The following CDCP1 variants were observed in gnomAD, a reference collection of about 807,000 sequenced individuals.
CDCP1 encodes the protein CUB domain-containing protein 1.
Under a neutral mutation model 60.2 loss-of-function variants are expected in CDCP1, and 29 were observed. The ratio of observed to expected loss-of-function variants is 0.48; its 90% confidence interval spans 0.36 to 0.66. The LOEUF (loss-of-function observed/expected upper bound fraction) is 0.66. Among genes scored for constraint, CDCP1 ranks in the 30% least tolerant of loss-of-function variants. The pLI, the probability that CDCP1 is intolerant of heterozygous loss-of-function variation, is 0.00. For synonymous variants in CDCP1, 387 were observed against 431.1 expected (o/e 0.90, Z 1.27); for missense variants, 876 against 1,074.3 (o/e 0.82, Z 2.58).
intron 1 of CDCP1, among the ~76,000 whole-genome samples, chr3:45,145,326 G>A (rs1276124233): frequency 2.0e-5 from 3 of 152,144 alleles, no homozygotes; most frequent in Admixed American, 1.3e-4. Context: ...CTAATCTCGC[G>A]AAACCTGTAC....
chr3:45,097,545 C>T (rs1698422079), intron 4 of CDCP1, among the ~76,000 whole-genome samples: 1 of 149,320 alleles, frequency 6.7e-6, no homozygotes, highest in Non-Finnish European at 1.5e-5. Flanking sequence ...ATTAGGAAGG[C>T]GCCTGTGCAA....
chr3:45,132,412 G>A (rs1699115659), intron 1 of CDCP1, among the ~76,000 whole-genome samples: 1 of 152,148 alleles, frequency 6.6e-6, no homozygotes. Flanking sequence ...AGACGGGGTG[G>A]GGTGGTAGTA....
intron 1 of CDCP1, among the ~76,000 whole-genome samples, chr3:45,121,896 T>C (rs1698893380): frequency 6.6e-6 from 1 of 152,196 alleles, no homozygotes; most frequent in Admixed American, 6.5e-5. Flanking sequence ...AGGCATGTAA[T>C]AAATTAATAA....
At chr3:45,140,822 A>G (rs940449071) in intron 1 of CDCP1, among the ~76,000 whole-genome samples, 1 of 152,220 alleles carries the variant, frequency 6.6e-6, no homozygotes, top group African/African-American at 2.4e-5. Flanking sequence ...AAATGTGTAT[A>G]TTTACATCTC....
intron 4 of CDCP1, among the ~76,000 whole-genome samples, chr3:45,097,316 A>T (rs1436653926): frequency 6.6e-6 from 1 of 151,106 alleles, no homozygotes; most frequent in Non-Finnish European, 1.5e-5. Flanking sequence ...CCAAAAAAAA[A>T]AGAAAGAAAG....
At chr3:45,136,389 G>A (rs4682770) in intron 1 of CDCP1, among the ~76,000 whole-genome samples, 126,754 of 152,196 alleles carry the variant, frequency 0.83, 52,994 homozygotes, top group East Asian at 0.94. Context: ...TAAGGAAGAA[G>A]GAGGAGGATG....
At chr3:45,089,244 G>A in intron 7 of CDCP1, 103 bp from the exon 8 acceptor site, 1 of 866,124 alleles carries the variant, frequency 1.2e-6, no homozygotes, top group Non-Finnish European at 1.9e-6. Flanking sequence ...TCCAAAGGTG[G>A]AGCGCCATAC....
rs1401302861 is a variant in CDCP1, at chr3:45,108,953, A to ATATATATTTTT, written c.1024+1519_1024+1520insAAAAATATATA. On this transcript the variant is annotated intron_variant, in intron 4 of 8. Transcript: ENST00000296129. ...CATGTATACATATATATATATATAT[A>ATATATATTTTT]TTTTTTTTTTTTTTGAGATGGAGTC... Among the ~76,000 whole-genome samples the ATATATATTTTT allele has an allele frequency of 7.3e-5, 3 of 41,134 alleles. 1 individual carries two copies. Among genetic ancestry groups the ATATATATTTTT allele is most frequent in the South Asian group, 1.1e-3 (1 of 950 alleles). The allele number at this position is 41,134 out of a possible 152,430, so 27.0% of individuals were successfully genotyped here. A position where few individuals can be genotyped will look rare whatever the true frequency, so the allele number is the denominator to read the frequency against.
intron 2 of CDCP1, 104 bp from the exon 3 acceptor site, chr3:45,112,549 C>A: frequency 1.3e-6 from 2 of 1,490,176 alleles, no homozygotes; most frequent in Non-Finnish European, 1.8e-6. Context: ...TTGGGGCTCC[C>A]CCAAGGTGGC....
intron 4 of CDCP1, among the ~76,000 whole-genome samples, chr3:45,107,918 A>G (rs1421206417): frequency 6.6e-6 from 1 of 152,070 alleles, no homozygotes; most frequent in African/African-American, 2.4e-5. Context: ...GGAGTTCAAG[A>G]CCAGGCTGGC....
chr3:45,096,548 C>T (rs192698323), intron 4 of CDCP1, among the ~76,000 whole-genome samples: 78 of 135,286 alleles, frequency 5.8e-4, no homozygotes, highest in African/African-American at 1.9e-3. Context: ...TCGCTTGAAC[C>T]CGGGAGGCGG....
At chr3:45,141,151 A>G (rs568471171) in intron 1 of CDCP1, among the ~76,000 whole-genome samples, 2 of 152,280 alleles carry the variant, frequency 1.3e-5, no homozygotes, top group African/African-American at 4.8e-5. Context: ...CAGTGAGCCA[A>G]GATCATGCCA....
chr3:45,084,328 G>C lies in CDCP1; in HGVS notation c.*1310C>G, dbSNP rs962717682. 4 of 152,216 alleles carry C rather than the reference G, an allele frequency of 2.6e-5. No homozygotes were observed. Among genetic ancestry groups the C allele is most frequent in the African/African-American group, 9.7e-5 (4 of 41,438 alleles). 9.4% of individuals were successfully genotyped at this position (152,216 alleles called of 1,614,324 possible). The stretch of plus-strand genomic sequence containing the variant: ...TGGGAGTCAGTGGCAGGAAGGTGTG[G>C]TAGGCAGAATAACAGCACCCCAAAG... On this transcript the variant is annotated 3_prime_UTR_variant, in exon 9 of 9. Transcript: ENST00000296129.
chr3:45,107,524 A>G (rs971827441), intron 4 of CDCP1, among the ~76,000 whole-genome samples: 6 of 151,866 alleles, frequency 4.0e-5, no homozygotes, highest in Non-Finnish European at 5.9e-5. Context: ...GTCTTTTCTA[A>G]CCCTGCATGC....
At chr3:45,094,372 C>T (rs1037349101) in intron 5 of CDCP1, among the ~76,000 whole-genome samples, 5 of 152,038 alleles carry the variant, frequency 3.3e-5, no homozygotes, top group Non-Finnish European at 7.4e-5. Flanking sequence ...ATTACAGGCA[C>T]CCAACACCAT....
At chr3:45,134,470 T>C (rs1446060364) in intron 1 of CDCP1, among the ~76,000 whole-genome samples, 3 of 152,188 alleles carry the variant, frequency 2.0e-5, no homozygotes, top group Non-Finnish European at 1.5e-5. Flanking sequence ...TCTTGATCAC[T>C]CAGGGGACTT....
intron 4 of CDCP1, among the ~76,000 whole-genome samples, chr3:45,104,843 C>G (rs1051740484): frequency 6.6e-6 from 1 of 152,126 alleles, no homozygotes; most frequent in Non-Finnish European, 1.5e-5. Context: ...CACCTGAGGT[C>G]GATTGTTTGA....
intron 7 of CDCP1, among the ~76,000 whole-genome samples, chr3:45,090,436 T>C (rs773012557): frequency 6.6e-6 from 1 of 152,208 alleles, no homozygotes; most frequent in Non-Finnish European, 1.5e-5. Flanking sequence ...GATTCCAACG[T>C]TTCACTGAGA....
intron 1 of CDCP1, among the ~76,000 whole-genome samples, chr3:45,134,314 C>T (rs890089271): frequency 2.6e-5 from 4 of 151,684 alleles, no homozygotes; most frequent in East Asian, 2.0e-4. Context: ...TTAGTAGAGA[C>T]GGGGTTTCAC....
Sources: allele counts gnomAD v4.1 joint callset (sites outside exome capture counted in the v4.1 genomes callset), GRCh38; gene constraint gnomAD v4.1.1; transcripts MANE v1.5; gene names NCBI Gene and HGNC (gene_info 2026-07-23, HGNC 2026-07-21).